Variants in TUBB2B observed in about 807,000 individuals in gnomAD.
TUBB2B encodes the protein tubulin beta 2B class IIb, also known as tubulin beta-2B chain.
In TUBB2B, 5 loss-of-function variants were observed where a neutral mutation model predicts 35.0. That is an observed-to-expected ratio of 0.14 (90% CI 0.07 to 0.30). The LOEUF (loss-of-function observed/expected upper bound fraction) is 0.30. TUBB2B is among the 10% of genes least tolerant of loss of function. The probability of loss-of-function intolerance (pLI) is 1.00; values close to 1 mark genes in which losing one functional copy is unlikely to be tolerated. For missense variants in TUBB2B, 63 were observed against 601.8 expected (o/e 0.10, Z 9.37); for synonymous variants, 166 against 250.5 (o/e 0.66, Z 3.18).
In TUBB2B at chr6:3,224,617, A is replaced by C. The variant is rs1032126647; in HGVS notation, c.*134T>G. On this transcript the variant is annotated 3_prime_UTR_variant, in exon 4 of 4. Transcript: ENST00000259818. ...AAAAAAAAGTGACAGGCAACAGTGA[A>C]GAGCACCAGAGACCCAGCGCACACC... 13 of 1,330,036 alleles carry C rather than the reference A, an allele frequency of 9.8e-6. No individual in the cohort carries two copies. In the African/African-American group the frequency reaches 1.9e-4, roughly 20 times the overall value. The allele number at this position is 1,330,036 out of a possible 1,614,324, so 82.4% of individuals were successfully genotyped here.
Position 3,227,477 on chromosome 6 carries a change from G to T in TUBB2B, c.57+10C>A. ...CCCCCATTGGACCCCCTCCGCTGCG[G>T]CGCGCCCACCTTGGCGCCGATCTGG... On this transcript the variant is annotated intron_variant, in intron 1 of 3. Transcript: ENST00000259818. This position sits in a 1 kb window ranked among gnomAD's most constrained non-coding sequence, Gnocchi z 7.8. 1 of 1,606,834 alleles carries T rather than the reference G, an allele frequency of 6.2e-7. No individual in the cohort carries two copies. Among genetic ancestry groups the T allele is most frequent in the East Asian group, 2.2e-5 (1 of 44,814 alleles).
rs759086595 is a variant in TUBB2B at position 3,226,478 on chromosome 6, G to A, written c.166+83C>T. 92 of 1,318,500 alleles carry A rather than the reference G, an allele frequency of 7.0e-5. No homozygotes were observed. Among genetic ancestry groups the A allele is most frequent in the Middle Eastern group, 3.9e-4 (2 of 5,126 alleles). The allele number at this position is 1,318,500 out of a possible 1,614,324, so 81.7% of individuals were successfully genotyped here. A position where few individuals can be genotyped will look rare whatever the true frequency, so the allele number is the denominator to read the frequency against. On this transcript the variant is annotated intron_variant, in intron 2 of 3. Coordinates refer to ENST00000259818, the MANE Select transcript of TUBB2B (RefSeq NM_178012.5). This position sits in a 1 kb window ranked among gnomAD's most constrained non-coding sequence, Gnocchi z 5.5. The stretch of plus-strand genomic sequence containing the variant: ...ACTGAATAGTCCACCCTCTCCCAGG[G>A]CCACACCCCTGGGGTCCCACGCAAG...
Position 3,225,045 on chromosome 6 carries a change from G to A in TUBB2B, c.1044C>T (p.Asn348=), listed in dbSNP as rs1356990097. The change falls in exon 4 of 4, where the codon AAC becomes AAT. Residue 348 remains asparagine, a synonymous_variant. Coordinates refer to ENST00000259818, the MANE Select transcript of TUBB2B (RefSeq NM_178012.5). ...GGATGTCGCACACGGCCGTCTTCAC[G>A]TTGTTGGGGATCCACTCCACGAAGT... ...SSYFVEWIPN[N]VKTAVCDIPP... 4 of 1,036,764 alleles carry A rather than the reference G, an allele frequency of 3.9e-6. No individual in the cohort carries two copies. In the African/African-American group the frequency reaches 6.3e-5, roughly 16 times the overall value. 64.2% of individuals were successfully genotyped at this position (1,036,764 alleles called of 1,614,324 possible). A position where few individuals can be genotyped will look rare whatever the true frequency, so the allele number is the denominator to read the frequency against.
rs1293051205 is a variant in TUBB2B, at chr6:3,226,969, G to T, written c.58-300C>A. 6.6e-6 allele frequency among the ~76,000 whole-genome samples: 1 copy of T among 152,180 alleles called. No individual in the cohort carries two copies. Among genetic ancestry groups the T allele is most frequent in the African/African-American group, 2.4e-5 (1 of 41,448 alleles). ...CGCACTGGTCGCAGCCCCAGGCTGC[G>T]GCAGGAGGCGAGGGCACAGGGACTG... On this transcript the variant is annotated intron_variant, in intron 1 of 3. Transcript: ENST00000259818. The surrounding 1 kb of genome is among the most constrained non-coding windows in gnomAD (Gnocchi z 5.5).
At position 3,226,496 on chromosome 6, in the gene TUBB2B, C is replaced by T; in HGVS notation, c.166+65G>A. 6.9e-7 allele frequency: 1 copy of T among 1,456,066 alleles called. No homozygotes were observed. The highest frequency in any genetic ancestry group is 1.1e-5 in the South Asian group (1 of 87,928). 90.2% of individuals were successfully genotyped at this position (1,456,066 alleles called of 1,614,324 possible). A position where few individuals can be genotyped will look rare whatever the true frequency, so the allele number is the denominator to read the frequency against. On this transcript the variant is annotated intron_variant, in intron 2 of 3. Coordinates refer to ENST00000259818, the MANE Select transcript of TUBB2B (RefSeq NM_178012.5). This position sits in a 1 kb window ranked among gnomAD's most constrained non-coding sequence, Gnocchi z 5.5. ...TCCCAGGGCCACACCCCTGGGGTCC[C>T]ACGCAAGGGAAAGGGGAGAAGGTGG...
At position 3,227,390 on chromosome 6, in the gene TUBB2B, A is replaced by AT; in HGVS notation, c.57+96dup. The AT allele has an allele frequency of 7.9e-6, 12 of 1,516,520 alleles. No individual in the cohort carries two copies. Among genetic ancestry groups the AT allele is most frequent in the African/African-American group, 2.8e-5 (2 of 72,708 alleles). 93.9% of individuals were successfully genotyped at this position (1,516,520 alleles called of 1,614,324 possible). On this transcript the variant is annotated intron_variant, in intron 1 of 3. Coordinates refer to ENST00000259818, the MANE Select transcript of TUBB2B (RefSeq NM_178012.5). This position sits in a 1 kb window ranked among gnomAD's most constrained non-coding sequence, Gnocchi z 7.8. ...CGGCCAGGAAGGTCTGCATTTGGCG[A>AT]TCCCCAGGCCTTCCCAGGACCGCGC...
At position 3,226,399 on chromosome 6, in the gene TUBB2B, T is replaced by C; in HGVS notation, c.167-130A>G. 1.9e-6 allele frequency: 2 copies of C among 1,051,408 alleles called. No individual in the cohort carries two copies. The highest frequency in any genetic ancestry group is 2.9e-6 in the Non-Finnish European group (2 of 683,432). 65.1% of individuals were successfully genotyped at this position (1,051,408 alleles called of 1,614,324 possible). On this transcript the variant is annotated intron_variant, in intron 2 of 3. Coordinates refer to ENST00000259818, the MANE Select transcript of TUBB2B (RefSeq NM_178012.5). This position sits in a 1 kb window ranked among gnomAD's most constrained non-coding sequence, Gnocchi z 5.5. ...CCACCATCAGGTTCTCAAAGGGCTC[T>C]GTTGGCATAAGGAAGCCCAATGAAA... is the stretch of plus-strand genomic sequence containing the variant.
At position 3,227,327 on chromosome 6, in the gene TUBB2B, G is replaced by A. The variant is rs1291085853; in HGVS notation, c.57+160C>T. Among the ~76,000 whole-genome samples the A allele has an allele frequency of 6.6e-6, 1 of 152,152 alleles. No homozygotes were observed. The highest frequency in any genetic ancestry group is 1.5e-5 in the Non-Finnish European group (1 of 68,018). ...AGAGGTGCCCCCTCCGTCCGCGAAAGTCACCTCCTAGCCCAGGCCACACTC... is the reference window on the plus strand; with the variant it reads ...AGAGGTGCCCCCTCCGTCCGCGAAAATCACCTCCTAGCCCAGGCCACACTC... On this transcript the variant is annotated intron_variant, in intron 1 of 3. Transcript: ENST00000259818. The surrounding 1 kb of genome is among the most constrained non-coding windows in gnomAD (Gnocchi z 7.8).
chr6:3,224,471 A>T lies in TUBB2B; in HGVS notation c.*280T>A. 1.8e-6 allele frequency: 1 copy of T among 570,916 alleles called. No individual in the cohort carries two copies. The highest frequency in any genetic ancestry group is 3.0e-5 in the East Asian group (1 of 33,860). The allele number at this position is 570,916 out of a possible 1,614,324, so 35.4% of individuals were successfully genotyped here. ...ACATTTAAATCGTTAATAAAGAGAA[A>T]AAGGAAGAGAAAGAGAGGACACCAT... On this transcript the variant is annotated 3_prime_UTR_variant, in exon 4 of 4. Transcript: ENST00000259818.
chr6:3,225,241 G>C lies in TUBB2B; in HGVS notation c.848C>G (p.Ala283Gly). ...CTGGGTGAGCTCGGGCACCGTGAGC[G>C]CCCGGTACTGCTGGCTGCCCCGGCT... ...LTSRGSQQYR[A>G]LTVPELTQQM... The change falls in exon 4 of 4, where the codon GCG (alanine) becomes GGG (glycine). Residue 283 changes from alanine (A) to glycine (G), a missense_variant. Transcript: ENST00000259818. 1 of 1,398,644 alleles carries C rather than the reference G, an allele frequency of 7.1e-7. No homozygotes were observed. Among genetic ancestry groups the C allele is most frequent in the Non-Finnish European group, 9.5e-7 (1 of 1,047,184 alleles). The allele number at this position is 1,398,644 out of a possible 1,614,324, so 86.6% of individuals were successfully genotyped here.
chr6:3,226,016 C>A lies in TUBB2B; in HGVS notation c.277+143G>T. On this transcript the variant is annotated intron_variant, in intron 3 of 3. Transcript: ENST00000259818. The surrounding 1 kb of genome is among the most constrained non-coding windows in gnomAD (Gnocchi z 5.5). ...CACCAAGCTCTTAGCAGCTGAAAGG[C>A]AAACAATTTTACACTATATTAAAGC... The A allele has an allele frequency of 7.6e-7, 1 of 1,318,382 alleles. No individual in the cohort carries two copies. Among genetic ancestry groups the A allele is most frequent in the Non-Finnish European group, 1.1e-6 (1 of 939,018 alleles). The allele number at this position is 1,318,382 out of a possible 1,614,324, so 81.7% of individuals were successfully genotyped here. A position where few individuals can be genotyped will look rare whatever the true frequency, so the allele number is the denominator to read the frequency against.
At position 3,226,368 on chromosome 6, in the gene TUBB2B, GGA is replaced by G. The variant is rs1344479508; in HGVS notation, c.167-101_167-100del. The stretch of plus-strand genomic sequence containing the variant: ...CATGCAGATGTTGCCCCAAACAAAG[GGA>G]GACCCACCATCAGGTTCTCAAAGGG... On this transcript the variant is annotated intron_variant, in intron 2 of 3. Coordinates refer to ENST00000259818, the MANE Select transcript of TUBB2B (RefSeq NM_178012.5). The surrounding 1 kb of genome is among the most constrained non-coding windows in gnomAD (Gnocchi z 5.5). 8 of 1,179,016 alleles carry G rather than the reference GGA, an allele frequency of 6.8e-6. No homozygotes were observed. Among genetic ancestry groups the G allele is most frequent in the Non-Finnish European group, 8.8e-6 (7 of 799,466 alleles). 73.0% of individuals were successfully genotyped at this position (1,179,016 alleles called of 1,614,324 possible).
At position 3,226,663 on chromosome 6, in the gene TUBB2B, C is replaced by A. The variant is rs1757291243; in HGVS notation, c.64G>T (p.Glu22Ter). ...ATCCCATGCTCATCACTGATGACCT[C>A]CCAAAACTGAGACAGAAAGGCTGCA... is the stretch of plus-strand genomic sequence containing the variant. ...CGNQIGAKFW[E>*]VISDEHGIDP... Residue 22 changes from glutamate to a stop codon, truncating the protein, a stop_gained, in exon 2 of 4, where the codon GAG (glutamate) becomes TAG (stop). Transcript: ENST00000259818. LOFTEE classifies it high-confidence loss of function. This position sits in a 1 kb window ranked among gnomAD's most constrained non-coding sequence, Gnocchi z 5.5. The A allele has an allele frequency of 6.2e-7, 1 of 1,613,712 alleles. No homozygotes were observed. The highest frequency in any genetic ancestry group is 8.5e-7 in the Non-Finnish European group (1 of 1,179,708).
At chr6:3,225,833 C>T (rs1757280347) in intron 3 of TUBB2B, 22 bp from the exon 4 acceptor site, 5 of 1,613,496 alleles carry the variant, frequency 3.1e-6, no homozygotes, top group Middle Eastern at 3.3e-4. Flanking sequence ...AAAGAGAAAT[C>T]TTAAGTCACC....
In TUBB2B at chr6:3,226,487, C is replaced by G; in HGVS notation, c.166+74G>C. 2.1e-6 allele frequency: 3 copies of G among 1,405,900 alleles called. No homozygotes were observed. Among genetic ancestry groups the G allele is most frequent in the Non-Finnish European group, 3.0e-6 (3 of 990,622 alleles). 87.1% of individuals were successfully genotyped at this position (1,405,900 alleles called of 1,614,324 possible). A position where few individuals can be genotyped will look rare whatever the true frequency, so the allele number is the denominator to read the frequency against. On this transcript the variant is annotated intron_variant, in intron 2 of 3. Coordinates refer to ENST00000259818, the MANE Select transcript of TUBB2B (RefSeq NM_178012.5). The surrounding 1 kb of genome is among the most constrained non-coding windows in gnomAD (Gnocchi z 5.5). ...TCCACCCTCTCCCAGGGCCACACCC[C>G]TGGGGTCCCACGCAAGGGAAAGGGG... is the stretch of plus-strand genomic sequence containing the variant.
rs1036003406 is a variant in TUBB2B, at chr6:3,226,882, C to A, written c.58-213G>T. On this transcript the variant is annotated intron_variant, in intron 1 of 3. Coordinates refer to ENST00000259818, the MANE Select transcript of TUBB2B (RefSeq NM_178012.5). The surrounding 1 kb of genome is among the most constrained non-coding windows in gnomAD (Gnocchi z 5.5). ...TTCCCAGGCAAACAGCTGCCGCTCG[C>A]GGGGGGAGGTAGGGGTCGAGGGGGT... is the stretch of plus-strand genomic sequence containing the variant. Among the ~76,000 whole-genome samples, 2 of 151,944 alleles carry A rather than the reference C, an allele frequency of 1.3e-5. No individual in the cohort carries two copies. Among genetic ancestry groups the A allele is most frequent in the Non-Finnish European group, 2.9e-5 (2 of 67,990 alleles).
In TUBB2B at chr6:3,226,737, GT is replaced by G. The variant is rs1757292065; in HGVS notation, c.58-69del. On this transcript the variant is annotated intron_variant, in intron 1 of 3. Transcript: ENST00000259818. This position sits in a 1 kb window ranked among gnomAD's most constrained non-coding sequence, Gnocchi z 5.5. ...GAAACGCCAAGGCTCACAATGAAATGTCCCCGACTCAGTTCCGACAACCCAA... is the reference window on the plus strand; with the variant it reads ...GAAACGCCAAGGCTCACAATGAAATGCCCCGACTCAGTTCCGACAACCCAA... 7.5e-7 allele frequency: 1 copy of G among 1,341,638 alleles called. No individual in the cohort carries two copies. The highest frequency in any genetic ancestry group is 2.3e-5 in the East Asian group (1 of 43,500). 83.1% of individuals were successfully genotyped at this position (1,341,638 alleles called of 1,614,324 possible).
Position 3,224,494 on chromosome 6 carries a change from C to A in TUBB2B, c.*257G>T. ...AAAAAGGAAGAGAAAGAGAGGACAC[C>A]ATTCCGACACAAACGTTTATGTGAT... On this transcript the variant is annotated 3_prime_UTR_variant, in exon 4 of 4. Transcript: ENST00000259818. The A allele has an allele frequency of 1.7e-6, 1 of 602,344 alleles. No homozygotes were observed. The allele number at this position is 602,344 out of a possible 1,614,324, so 37.3% of individuals were successfully genotyped here.
Position 3,227,577 on chromosome 6 carries a change from G to T in TUBB2B, c.-34C>A. ...GTCAGCGTCCTCCTGGTCCGGCGGC[G>T]TCTGGGTCTGTCCGTCCTCCCCTCA... On this transcript the variant is annotated 5_prime_UTR_variant, in exon 1 of 4. Transcript: ENST00000259818. The surrounding 1 kb of genome is among the most constrained non-coding windows in gnomAD (Gnocchi z 7.8). 1 of 1,608,634 alleles carries T rather than the reference G, an allele frequency of 6.2e-7. No individual in the cohort carries two copies. Among genetic ancestry groups the T allele is most frequent in the Middle Eastern group, 2.1e-4 (1 of 4,652 alleles).
Sources: allele counts gnomAD v4.1 joint callset (sites outside exome capture counted in the v4.1 genomes callset), GRCh38; gene constraint gnomAD v4.1.1; non-coding constraint Gnocchi (gnomAD v3.1); transcripts MANE v1.5; gene names NCBI Gene and HGNC (gene_info 2026-07-23, HGNC 2026-07-21).